The following RYR2 variants were observed in gnomAD, a reference collection of about 807,000 sequenced individuals.
The protein encoded by RYR2 is ryanodine receptor 2, also known as cardiac muscle ryanodine receptor-calcium release channel.
RYR2 carries 227 observed loss-of-function variants against 601.1 expected under a neutral mutation model. The ratio of observed to expected loss-of-function variants is 0.38; its 90% CI spans 0.34 to 0.42. RYR2 has a LOEUF of 0.42. Among genes scored for constraint, RYR2 ranks in the 10% least tolerant of loss-of-function variants. The pLI is 1.00. For missense variants in RYR2, 4,646 were observed against 6,156.5 expected (o/e 0.75, Z 8.21); for synonymous variants, 2,223 against 2,175.1 (o/e 1.02, Z -0.61).
intron 63 of RYR2, 73 bp from the exon 64 acceptor site, chr1:237,698,892 C>A: frequency 2.5e-6 from 2 of 798,348 alleles, no homozygotes; most frequent in Non-Finnish European, 2.0e-6. Flanking sequence ...TTTTCTAGCA[C>A]AAATATTGGT....
intron 79 of RYR2, among the ~76,000 whole-genome samples, chr1:237,739,298 A>G (rs1305389934): frequency 6.6e-6 from 1 of 152,138 alleles, no homozygotes. Flanking sequence ...CCTCTTTAAA[A>G]AATCCTATGG....
chr1:237,222,506 C>G (rs1006533929), intron 1 of RYR2, among the ~76,000 whole-genome samples: 2 of 151,808 alleles, frequency 1.3e-5, no homozygotes, highest in Non-Finnish European at 2.9e-5. Flanking sequence ...GCTCTTCAAA[C>G]ATACTCCAAA....
chr1:237,242,139 A>G lies in RYR2; in HGVS notation c.49-28358A>G, dbSNP rs79257714. Among the ~76,000 whole-genome samples, 159 of 152,308 alleles carry G rather than the reference A, an allele frequency of 1.0e-3. 2 individuals carry two copies. The East Asian group carries it at 0.029, about 28-fold the overall frequency. ...AAGTCCTATTACTGCTAGATACACTATAGTGAATGAAAAAGACTTTTTTCC... is the reference window on the plus strand; with the variant it reads ...AAGTCCTATTACTGCTAGATACACTGTAGTGAATGAAAAAGACTTTTTTCC... On this transcript the variant is annotated intron_variant, in intron 1 of 104. Coordinates refer to ENST00000366574, the MANE Select transcript of RYR2 (RefSeq NM_001035.3).
chr1:237,633,868 C>T (rs1680594548), intron 43 of RYR2, among the ~76,000 whole-genome samples, 158 bp downstream of exon 43: 3 of 152,158 alleles, frequency 2.0e-5, no homozygotes, highest in Admixed American at 1.3e-4. Context: ...AAATACTCGA[C>T]ATCACTCATC....
intron 2 of RYR2, among the ~76,000 whole-genome samples, chr1:237,285,473 G>C (rs1423717193): frequency 6.6e-6 from 1 of 152,138 alleles, no homozygotes. Context: ...AAGGATATCA[G>C]TCTGTAGTTT....
chr1:237,156,818 T>C (rs573079758), intron 1 of RYR2, among the ~76,000 whole-genome samples: 3 of 152,312 alleles, frequency 2.0e-5, no homozygotes, highest in African/African-American at 7.2e-5. Flanking sequence ...CTCTGACCTT[T>C]GATTTCATCC....
intron 2 of RYR2, among the ~76,000 whole-genome samples, chr1:237,277,769 G>A (rs983199653): frequency 4.6e-5 from 7 of 151,978 alleles, no homozygotes; most frequent in East Asian, 1.9e-4. Flanking sequence ...GCAGTGAGCC[G>A]AGATCGTACC....
intron 10 of RYR2, among the ~76,000 whole-genome samples, chr1:237,416,042 C>A (rs7547449): frequency 0.83 from 126,137 of 152,202 alleles, 52,944 homozygotes; most frequent in East Asian, 1. Context: ...AGGTAGGGAA[C>A]GGCAGGTGAG....
In RYR2 at chr1:237,667,927, A is replaced by C. The variant is rs1381591533; in HGVS notation, c.8559A>C (p.Ala2853=). The change falls in exon 58 of 105, where the codon GCA becomes GCC. Residue 2853 remains alanine (A), a synonymous_variant. Coordinates refer to ENST00000366574, the MANE Select transcript of RYR2 (RefSeq NM_001035.3). ...CTGAAAACTACCATAATATATGGGC[A>C]AAGAAAAAGAAAATGGAGTTGGAGT... ...MMAENYHNIW[A]KKKKMELESK... is the part of the protein sequence containing the mutation. The C allele has an allele frequency of 6.3e-7, 1 of 1,582,836 alleles. No individual in the cohort carries two copies. Among genetic ancestry groups the C allele is most frequent in the Non-Finnish European group, 8.6e-7 (1 of 1,163,886 alleles).
chr1:237,082,659 C>T (rs2148407986), intron 1 of RYR2, among the ~76,000 whole-genome samples: 1 of 151,178 alleles, frequency 6.6e-6, no homozygotes, highest in South Asian at 2.1e-4. Context: ...CCCACGAAGC[C>T]TTGGCTAAGC....
intron 62 of RYR2, among the ~76,000 whole-genome samples, chr1:237,683,137 A>G (rs979169290): frequency 1.3e-5 from 2 of 152,222 alleles, no homozygotes; most frequent in African/African-American, 4.8e-5. Context: ...AATAGATAGA[A>G]AACTGGCCCT....
chr1:237,795,420 G>T (rs1335088298), intron 96 of RYR2, 89 bp downstream of exon 96: 4 of 662,948 alleles, frequency 6.0e-6, no homozygotes, highest in South Asian at 4.1e-5. Context: ...AAGATATTGA[G>T]GTATAATTTA....
Position 237,655,835 on chromosome 1 carries a change from A to C in RYR2, c.7980A>C (p.Glu2660Asp). Residue 2660 changes from glutamate (E) to aspartate (D), a missense_variant, in exon 53 of 105, where the codon GAA becomes GAC. Around this residue, in one of 17 missense-constraint regions of RYR2, gnomAD observed 1,497 missense variants for 1,842.6 expected, o/e 0.81. Coordinates refer to ENST00000366574, the MANE Select transcript of RYR2 (RefSeq NM_001035.3). ...ATTTTTCCCAGAAATATGAACAAGA[A>C]CTTTTCAAACTGGCACTGCCTTGCC... is the stretch of plus-strand genomic sequence containing the variant. Reference protein sequence around the residue: ...DALSQKKYEQELFKLALPCLS... With the variant: ...DALSQKKYEQDLFKLALPCLS... The C allele has an allele frequency of 6.3e-7, 1 of 1,597,308 alleles. No individual in the cohort carries two copies. The highest frequency in any genetic ancestry group is 8.5e-7 in the Non-Finnish European group (1 of 1,172,528).
intron 8 of RYR2, among the ~76,000 whole-genome samples, chr1:237,385,860 T>G (rs1487088493): frequency 2.6e-5 from 4 of 152,230 alleles, no homozygotes; most frequent in African/African-American, 4.8e-5. Flanking sequence ...TGTGAACCTG[T>G]GTCAGGTAGC....
intron 104 of RYR2, 90 bp from the exon 105 acceptor site, chr1:237,832,462 C>T (rs1335964501): frequency 2.3e-5 from 17 of 743,256 alleles, no homozygotes; most frequent in Middle Eastern, 2.6e-4. Flanking sequence ...CTATTCCGTG[C>T]GATATAGGTA....
At chr1:237,311,989 T>C (rs926136268) in intron 2 of RYR2, among the ~76,000 whole-genome samples, 1 of 152,130 alleles carries the variant, frequency 6.6e-6, no homozygotes. Flanking sequence ...AAAGAAGTAT[T>C]AGGAAAATTA....
At chr1:237,387,249 G>C in intron 8 of RYR2, 32 bp from the exon 9 acceptor site, 1 of 1,595,738 alleles carries the variant, frequency 6.3e-7, no homozygotes, top group Non-Finnish European at 8.6e-7. Context: ...ACCAGAGCCT[G>C]AAGTGATGCC....
rs1249516124 is a variant in RYR2 at position 237,337,265 on chromosome 1, A to AT, written c.273+6283_273+6284insT. Among the ~76,000 whole-genome samples, 5 of 152,178 alleles carry AT rather than the reference A, an allele frequency of 3.3e-5. No homozygotes were observed. In the South Asian group the frequency reaches 6.2e-4, roughly 19 times the overall value. On this transcript the variant is annotated intron_variant, in intron 3 of 104. Transcript: ENST00000366574. ...AGTATCCATCTCAAAAAAAAAAAAAAAAAAATGCAGTGGGAAGCAACTGGC... is the reference window on the plus strand; with the variant it reads ...AGTATCCATCTCAAAAAAAAAAAAAATAAAAATGCAGTGGGAAGCAACTGGC...
At chr1:237,787,036 T>TTTATGTATTAATAC (rs1238613033) in intron 91 of RYR2, among the ~76,000 whole-genome samples, 2 of 152,168 alleles carry the variant, frequency 1.3e-5, no homozygotes, top group African/African-American at 2.4e-5. Flanking sequence ...ATATTTCTGG[T>TTTATGTATTAATAC]TTATGTATTA....
Sources: allele counts gnomAD v4.1 joint callset (sites outside exome capture counted in the v4.1 genomes callset), GRCh38; gene constraint gnomAD v4.1.1; regional missense constraint gnomAD v4.1.1; transcripts MANE v1.5; gene names NCBI Gene and HGNC (gene_info 2026-07-23, HGNC 2026-07-21).